Variants in DCC observed in about 807,000 individuals in gnomAD.
The protein encoded by DCC is DCC netrin 1 receptor, also known as netrin receptor DCC.
DCC carries 58 observed loss-of-function variants against 172.5 expected under a neutral mutation model. That is an observed-to-expected ratio of 0.34 (90% confidence interval 0.27 to 0.42). The LOEUF is 0.42. DCC is among the 10% of genes least tolerant of loss of function. The probability of loss-of-function intolerance (pLI) is 1.00; values close to 1 mark genes in which losing one functional copy is unlikely to be tolerated. For missense variants in DCC, 1,740 were observed against 1,791.0 expected (o/e 0.97, Z 0.51); for synonymous variants, 709 against 644.5 (o/e 1.10, Z -1.52).
chr18:53,470,503 A>G (rs183524383), intron 25 of DCC, among the ~76,000 whole-genome samples: 79 of 152,206 alleles, frequency 5.2e-4, no homozygotes, highest in Middle Eastern at 3.4e-3. Context: ...ACATTTTCAG[A>G]TTATCTTTAT....
chr18:52,941,770 T>C (rs1447338669), intron 5 of DCC, among the ~76,000 whole-genome samples: 1 of 152,058 alleles, frequency 6.6e-6, no homozygotes, highest in Non-Finnish European at 1.5e-5. Context: ...TATTTTCTGA[T>C]GTTTATTTTT....
chr18:52,640,048 G>T (rs60620013), intron 1 of DCC, among the ~76,000 whole-genome samples: 1 of 152,014 alleles, frequency 6.6e-6, no homozygotes, highest in African/African-American at 2.4e-5. Context: ...AGGGATGCAG[G>T]GATGGTTTAA....
At chr18:52,901,552 A>G (rs899260061) in intron 2 of DCC, among the ~76,000 whole-genome samples, 3 of 152,226 alleles carry the variant, frequency 2.0e-5, no homozygotes, top group Non-Finnish European at 4.4e-5. Flanking sequence ...AGCCATTATG[A>G]AGATTAAATA....
intron 5 of DCC, among the ~76,000 whole-genome samples, chr18:52,953,758 G>A (rs574289774): frequency 2.0e-5 from 3 of 152,254 alleles, no homozygotes; most frequent in African/African-American, 7.2e-5. Context: ...GATCTAAAGG[G>A]CTCAAACACT....
chr18:52,405,000 T>G (rs2144386481), intron 1 of DCC, among the ~76,000 whole-genome samples: 1 of 152,112 alleles, frequency 6.6e-6, no homozygotes, highest in South Asian at 2.1e-4. Flanking sequence ...GCTCATCATT[T>G]TTTATGGCTG....
At chr18:53,435,375 CAAAA>C (rs59995453) in intron 22 of DCC, among the ~76,000 whole-genome samples, 166 bp downstream of exon 22, 1 of 150,620 alleles carries the variant, frequency 6.6e-6, no homozygotes, top group South Asian at 2.1e-4. Flanking sequence ...AAAACAAAAA[CAAAA>C]AAAACAAAAA....
rs546877653 is a variant in DCC, at chr18:53,064,918, C to T, written c.1141-1128C>T. ...GCCCTTAAGGACGTATTGTAAAAGGCAACATTTATTTTTTTCTACATTTTG... is the reference window on the plus strand; with the variant it reads ...GCCCTTAAGGACGTATTGTAAAAGGTAACATTTATTTTTTTCTACATTTTG... On this transcript the variant is annotated intron_variant, in intron 6 of 28. Transcript: ENST00000442544. Among the ~76,000 whole-genome samples, 31 of 152,192 alleles carry T rather than the reference C, an allele frequency of 2.0e-4. 1 individual carries two copies. Among genetic ancestry groups the T allele is most frequent in the Middle Eastern group, 3.4e-3 (1 of 294 alleles).
intron 5 of DCC, among the ~76,000 whole-genome samples, chr18:52,952,091 ACTT>A (rs1251815214): frequency 6.6e-6 from 1 of 152,214 alleles, no homozygotes; most frequent in Non-Finnish European, 1.5e-5. Context: ...TATTATGATC[ACTT>A]CTTCTCTAAC....
chr18:52,493,070 A>T (rs1415049293), intron 1 of DCC, among the ~76,000 whole-genome samples: 1 of 152,114 alleles, frequency 6.6e-6, no homozygotes, highest in Non-Finnish European at 1.5e-5. Context: ...AATGTGTCAG[A>T]TTAGAAGATA....
At chr18:53,351,337 GTATA>G (rs1165093443) in intron 15 of DCC, among the ~76,000 whole-genome samples, 10 of 11,648 alleles carry the variant, frequency 8.6e-4, no homozygotes, top group Admixed American at 1.6e-3. Flanking sequence ...TATATACAGT[GTATA>G]TATATATACA....
chr18:53,047,466 ATTTTTGCTATTGAGGAATCTTTTTTTTAT>A (rs2042269760), intron 5 of DCC, among the ~76,000 whole-genome samples: 1 of 28,400 alleles, frequency 3.5e-5, no homozygotes, highest in Non-Finnish European at 7.5e-5. Context: ...TATATATACC[ATTTTTGCTATTGAGGAATCTTTTTTTTAT>A]TAAACTGAGA....
At chr18:53,419,761 A>G (rs923335587) in intron 21 of DCC, among the ~76,000 whole-genome samples, 6 of 152,130 alleles carry the variant, frequency 3.9e-5, no homozygotes, top group African/African-American at 9.7e-5. Context: ...TTATTTGTCT[A>G]TTGAAACACA....
At chr18:52,902,934 A>C (rs1167564375) in intron 2 of DCC, among the ~76,000 whole-genome samples, 2 of 152,202 alleles carry the variant, frequency 1.3e-5, no homozygotes, top group Admixed American at 1.3e-4. Flanking sequence ...AACAGGATGC[A>C]GTTCTGGCCC....
chr18:52,952,649 G>C (rs930778042), intron 5 of DCC, among the ~76,000 whole-genome samples: 2 of 152,052 alleles, frequency 1.3e-5, no homozygotes, highest in African/African-American at 4.8e-5. Flanking sequence ...TCCATAAACA[G>C]AGCTAATTTA....
At chr18:53,283,197 T>C (rs940393530) in intron 12 of DCC, among the ~76,000 whole-genome samples, 2 of 152,212 alleles carry the variant, frequency 1.3e-5, no homozygotes, top group African/African-American at 4.8e-5. Context: ...TCAGCCATAA[T>C]TGATGAATAA....
At chr18:52,700,730 T>TTTGTCA (rs1229334480) in intron 1 of DCC, among the ~76,000 whole-genome samples, 2 of 152,226 alleles carry the variant, frequency 1.3e-5, no homozygotes, top group Non-Finnish European at 2.9e-5. Context: ...TGTCTTAAAA[T>TTTGTCA]GAAGACAAGT....
intron 13 of DCC, among the ~76,000 whole-genome samples, chr18:53,316,036 T>G (rs1379001551): frequency 6.6e-6 from 1 of 152,180 alleles, no homozygotes; most frequent in African/African-American, 2.4e-5. Context: ...TCATGAAGTC[T>G]TTGGCCATGC....
rs117465172 is a variant in DCC, at chr18:53,110,067, A to G, written c.1261+43901A>G. On this transcript the variant is annotated intron_variant, in intron 7 of 28. Coordinates refer to ENST00000442544, the MANE Select transcript of DCC (RefSeq NM_005215.4). ...TTTGAATGAAAACCATTTTTTCTTT[A>G]ATTTCTATAATCATAGCTTGAAGAA... 7.1e-3 allele frequency among the ~76,000 whole-genome samples: 1,081 copies of G among 151,680 alleles called. 12 individuals carry two copies. Among genetic ancestry groups the G allele is most frequent in the Non-Finnish European group, 9.3e-3 (630 of 67,734 alleles).
intron 25 of DCC, among the ~76,000 whole-genome samples, chr18:53,468,454 C>T (rs1237232913): frequency 6.6e-6 from 1 of 150,984 alleles, no homozygotes; most frequent in African/African-American, 2.4e-5. Flanking sequence ...ACAATCTTGG[C>T]TCACTGCAAC....
Sources: gnomAD v4.1 joint callset for allele counts (sites outside exome capture counted in the v4.1 genomes callset) on GRCh38, gnomAD v4.1.1 for gene constraint, MANE v1.5 for transcripts, NCBI Gene and HGNC (gene_info 2026-07-23, HGNC 2026-07-21) for gene names.